The following ZSCAN26 variants were observed in gnomAD, a reference collection of about 807,000 sequenced individuals.
ZSCAN26 encodes zinc finger and SCAN domain-containing protein 26.
A neutral mutation model predicts 23.0 loss-of-function variants in ZSCAN26; 26 were observed. The ratio of observed to expected loss-of-function variants is 1.13; its 90% CI spans 0.83 to 1.57. ZSCAN26 has a LOEUF of 1.57. ZSCAN26 is among the 40% of genes most tolerant of loss of function. ZSCAN26 has a pLI of 0.00. For missense variants in ZSCAN26, 528 were observed against 568.5 expected (o/e 0.93, Z 0.72); for synonymous variants, 180 against 202.5 (o/e 0.89, Z 0.94).
chr6:28,275,109 C>G (rs1416348100), intron 3 of ZSCAN26, among the ~76,000 whole-genome samples: 1 of 152,100 alleles, frequency 6.6e-6, no homozygotes. Flanking sequence ...CCACTCTTTC[C>G]TTTTTACTTA....
chr6:28,277,095 G>T lies in ZSCAN26; in HGVS notation c.1439G>T (p.Ter480LeuextTer1), dbSNP rs1400446345. Reference sequence around the variant, plus strand: ...TATCACCACAAAGACAAACTGGCTTGATGAGGTGTTCTCTCCTTGTAGAAC... The same window carrying T: ...TATCACCACAAAGACAAACTGGCTTTATGAGGTGTTCTCTCCTTGTAGAAC... ...QRYHHKDKLA[*>L] The change falls in exon 4 of 4, where the codon TGA (stop) becomes TTA (leucine). Residue 480 changes from the stop codon to leucine, a stop_lost. Transcript: ENST00000421553. The T allele has an allele frequency of 1.2e-6, 2 of 1,611,042 alleles. No homozygotes were observed. The highest frequency in any genetic ancestry group is 1.1e-5 in the South Asian group (1 of 90,794).
At chr6:28,271,748 A>G in intron 1 of ZSCAN26, 106 bp from the exon 2 acceptor site, 1 of 617,384 alleles carries the variant, frequency 1.6e-6, no homozygotes, top group Non-Finnish European at 2.8e-6. Flanking sequence ...TGGTTGTTTT[A>G]GAGAGAAAAA....
intron 1 of ZSCAN26, among the ~76,000 whole-genome samples, chr6:28,271,346 G>A (rs1357647172): frequency 1.3e-5 from 2 of 151,992 alleles, no homozygotes; most frequent in African/African-American, 4.8e-5. Context: ...TCTTTCACTT[G>A]TCTTTTTTCT....
chr6:28,268,512 T>C (rs758012391), intron 1 of ZSCAN26, among the ~76,000 whole-genome samples: 4 of 152,216 alleles, frequency 2.6e-5, no homozygotes, highest in Non-Finnish European at 5.9e-5. Context: ...CTTAGAATGA[T>C]CACTGTTTGC....
intron 1 of ZSCAN26, among the ~76,000 whole-genome samples, chr6:28,269,204 GTA>G (rs1258668811): frequency 6.6e-6 from 1 of 151,006 alleles, no homozygotes; most frequent in African/African-American, 2.4e-5. Flanking sequence ...ATAGATACCA[GTA>G]TATATATATG....
rs1458919042 is a variant in ZSCAN26 at position 28,272,667 on chromosome 6, T to C, written c.421-3T>C. The C allele has an allele frequency of 6.3e-7, 1 of 1,591,768 alleles. No homozygotes were observed. The highest frequency in any genetic ancestry group is 8.6e-7 in the Non-Finnish European group (1 of 1,169,096). On this transcript the variant is annotated splice_region_variant and splice_polypyrimidine_tract_variant and intron_variant, in intron 2 of 3. Coordinates refer to ENST00000421553, the MANE Select transcript of ZSCAN26 (RefSeq NM_001023560.4). ...ATGCCTCCATATACCTAATTGTCCC[T>C]AGGACCCAGACCAGCCAAAGAAACA...
In ZSCAN26 at chr6:28,272,139, G is replaced by A. The variant is rs770232910; in HGVS notation, c.220G>A (p.Glu74Lys). 4 of 1,611,952 alleles carry A rather than the reference G, an allele frequency of 2.5e-6. No homozygotes were observed. The highest frequency in any genetic ancestry group is 3.4e-6 in the Non-Finnish European group (4 of 1,179,000). ...TCGAGAAGCACTAAGTCGGCTCCGG[G>A]AGCTCTGTCAACAGTGGCTACAGCC... is the stretch of plus-strand genomic sequence containing the variant. ...GPREALSRLR[E>K]LCQQWLQPET... The change falls in exon 2 of 4, where the codon GAG becomes AAG. Residue 74 changes from glutamate to lysine, a missense_variant. Transcript: ENST00000421553.
chr6:28,276,702 G>C lies in ZSCAN26; in HGVS notation c.1046G>C (p.Arg349Thr). 6.2e-7 allele frequency: 1 copy of C among 1,612,812 alleles called. No homozygotes were observed. Among genetic ancestry groups the C allele is most frequent in the African/African-American group, 1.3e-5 (1 of 75,014 alleles). Residue 349 changes from arginine (R) to threonine (T), a missense_variant, in exon 4 of 4, where the codon AGG (arginine) becomes ACG (threonine). Physicochemically the swap from Arg to Thr is moderately conservative, Grantham distance 71. Transcript: ENST00000421553. The stretch of plus-strand genomic sequence containing the variant: ...TGTATCCATTGTGGAAAAAATTTTA[G>C]GCGCAGCTCTCACCTTAATCGACAT... ...YLCIHCGKNF[R>T]RSSHLNRHQR...
rs1245937653 is a variant in ZSCAN26, at chr6:28,277,090, G to A, written c.1434G>A (p.Leu478=). 1.2e-6 allele frequency: 2 copies of A among 1,611,378 alleles called. No homozygotes were observed. Among genetic ancestry groups the A allele is most frequent in the East Asian group, 2.2e-5 (1 of 44,880 alleles). The change falls in exon 4 of 4, where the codon CTG becomes CTA. Residue 478 remains leucine (L), a synonymous_variant. Coordinates refer to ENST00000421553, the MANE Select transcript of ZSCAN26 (RefSeq NM_001023560.4). ...AGAGATATCACCACAAAGACAAACT[G>A]GCTTGATGAGGTGTTCTCTCCTTGT... ...QHQRYHHKDK[L]A
In ZSCAN26 at chr6:28,271,843, T is replaced by TATA; in HGVS notation, c.-66-8_-66-6dup. The TATA allele has an allele frequency of 7.8e-7, 1 of 1,287,428 alleles. No individual in the cohort carries two copies. The highest frequency in any genetic ancestry group is 1.1e-6 in the Non-Finnish European group (1 of 948,470). 79.8% of individuals were successfully genotyped at this position (1,287,428 alleles called of 1,614,324 possible). ...TTACTGTTTCTGTCACTCTTGTTAC[T>TATA]ATAATTTTAGGAGTGTCTCTGAAGA... On this transcript the variant is annotated splice_polypyrimidine_tract_variant and intron_variant, in intron 1 of 3. Transcript: ENST00000421553.
intron 1 of ZSCAN26, among the ~76,000 whole-genome samples, chr6:28,269,153 T>C (rs751317777): frequency 6.6e-5 from 10 of 151,790 alleles, no homozygotes; most frequent in Non-Finnish European, 1.3e-4. Flanking sequence ...TATATACATA[T>C]CAACATCATA....
rs2113732271 is a variant in ZSCAN26, at chr6:28,277,420, G to C, written c.*324G>C. ...GAGTAAGAGTTTTGAAGTCAGCAGT[G>C]AATCAAGTGCCCACAGATTTGCAGG... is the stretch of plus-strand genomic sequence containing the variant. On this transcript the variant is annotated 3_prime_UTR_variant, in exon 4 of 4. Transcript: ENST00000421553. 3.8e-6 allele frequency: 1 copy of C among 262,550 alleles called. No individual in the cohort carries two copies. The highest frequency in any genetic ancestry group is 7.3e-6 in the Non-Finnish European group (1 of 137,910). The allele number at this position is 262,550 out of a possible 1,614,324, so 16.3% of individuals were successfully genotyped here. A position where few individuals can be genotyped will look rare whatever the true frequency, so the allele number is the denominator to read the frequency against.
At chr6:28,274,548 T>C (rs1761859977) in intron 3 of ZSCAN26, among the ~76,000 whole-genome samples, 1 of 152,174 alleles carries the variant, frequency 6.6e-6, no homozygotes, top group Admixed American at 6.5e-5. Context: ...GAGACCAGCC[T>C]GGGCAACATA....
chr6:28,276,584 C>G lies in ZSCAN26; in HGVS notation c.928C>G (p.Pro310Ala), dbSNP rs547687161. The change falls in exon 4 of 4, where the codon CCT (proline) becomes GCT (alanine). Residue 310 changes from proline to alanine, a missense_variant. Pro to Ala is a conservative substitution (Grantham distance 27, BLOSUM62 -1). Coordinates refer to ENST00000421553, the MANE Select transcript of ZSCAN26 (RefSeq NM_001023560.4). ...RHQKIHLGEK[P>A]YQCNECGKVF... ...TCAGAAAATCCATCTTGGTGAGAAG[C>G]CTTATCAGTGCAATGAGTGTGGCAA... 3.1e-6 allele frequency: 5 copies of G among 1,612,914 alleles called. No homozygotes were observed. The highest frequency in any genetic ancestry group is 4.2e-6 in the Non-Finnish European group (5 of 1,179,470).
At chr6:28,272,365 A>G (rs1261849887) in intron 2 of ZSCAN26, 26 bp downstream of exon 2, 1 of 1,472,336 alleles carries the variant, frequency 6.8e-7, no homozygotes, top group Non-Finnish European at 9.0e-7. Context: ...GCTCTTTTTC[A>G]GGAATGCAGG....
At chr6:28,275,624 T>G (rs1190627135) in intron 3 of ZSCAN26, among the ~76,000 whole-genome samples, 3 of 152,186 alleles carry the variant, frequency 2.0e-5, no homozygotes, top group African/African-American at 7.2e-5. Flanking sequence ...CCAAGGAGAT[T>G]AGGAAAGGCG....
At chr6:28,268,469 C>T (rs1761534374) in intron 1 of ZSCAN26, among the ~76,000 whole-genome samples, 1 of 152,102 alleles carries the variant, frequency 6.6e-6, no homozygotes, top group Admixed American at 6.5e-5. Context: ...ATGTAACAGG[C>T]ATAGCAGGGA....
In ZSCAN26 at chr6:28,276,429, A is replaced by C. The variant is rs746130804; in HGVS notation, c.773A>C (p.Lys258Thr). ...CATGCGAGTACACACACGGGAAAGA[A>C]ACTCTGCGAGTCTGATGTGTGTCAG... is the stretch of plus-strand genomic sequence containing the variant. Reference protein sequence around the residue: ...IEHASTHTGKKLCESDVCQSS... With the variant: ...IEHASTHTGKTLCESDVCQSS... Residue 258 changes from lysine (K) to threonine (T), a missense_variant, in exon 4 of 4, where the codon AAA becomes ACA. Coordinates refer to ENST00000421553, the MANE Select transcript of ZSCAN26 (RefSeq NM_001023560.4). 1.2e-6 allele frequency: 2 copies of C among 1,614,042 alleles called. No individual in the cohort carries two copies. Among genetic ancestry groups the C allele is most frequent in the Middle Eastern group, 1.6e-4 (1 of 6,062 alleles).
chr6:28,271,979 G>C lies in ZSCAN26; in HGVS notation c.60G>C (p.Gly20=). The change falls in exon 2 of 4, where the codon GGG becomes GGC. Residue 20 remains glycine, a synonymous_variant. Coordinates refer to ENST00000421553, the MANE Select transcript of ZSCAN26 (RefSeq NM_001023560.4). ...SLAPLNLKKE[G]LRVVREDHYS... ...CTCCCCTGAATCTGAAGAAGGAGGG[G>C]CTTCGGGTAGTGAGGGAGGATCACT... 6 of 1,551,722 alleles carry C rather than the reference G, an allele frequency of 3.9e-6. No individual in the cohort carries two copies. Among genetic ancestry groups the C allele is most frequent in the Non-Finnish European group, 4.4e-6 (5 of 1,146,992 alleles).
Sources: gnomAD v4.1 joint callset for allele counts (sites outside exome capture counted in the v4.1 genomes callset) on GRCh38, gnomAD v4.1.1 for gene constraint, MANE v1.5 for transcripts, NCBI Gene and HGNC (gene_info 2026-07-23, HGNC 2026-07-21) for gene names.